Variants in PRSS57 observed in about 807,000 individuals in gnomAD.
PRSS57 encodes serine protease 57, also known as neutrophil serine protease 4.
In PRSS57, 19 loss-of-function variants were observed where a neutral mutation model predicts 20.6. The ratio of observed to expected loss-of-function variants is 0.92; its 90% CI spans 0.64 to 1.35. PRSS57 has a LOEUF of 1.35. PRSS57 is among the 40% of genes most tolerant of loss of function. PRSS57 has a pLI of 0.00. For missense variants in PRSS57, 440 were observed against 403.7 expected (o/e 1.09, Z -0.77); for synonymous variants, 203 against 176.6 (o/e 1.15, Z -1.19).
At chr19:691,002 C>A in intron 3 of PRSS57, 1 of 395,474 alleles carries the variant, frequency 2.5e-6, no homozygotes, top group East Asian at 6.2e-5. Flanking sequence ...GCACTGCCAC[C>A]CTGGGCCACT....
chr19:691,793 C>T (rs536616462), intron 3 of PRSS57, 65 bp downstream of exon 3: 64 of 1,284,980 alleles, frequency 5.0e-5, no homozygotes, highest in Admixed American at 2.6e-4. Flanking sequence ...CCCTCCAGCC[C>T]GAGCGACAGA....
At chr19:690,684 C>T (rs34606938) in intron 3 of PRSS57, 26,395 of 295,514 alleles carry the variant, frequency 0.089, 1,543 homozygotes, top group South Asian at 0.12. Flanking sequence ...AGGTTCGAGG[C>T]GTCTGTTCCC....
chr19:687,329 G>T, intron 3 of PRSS57, 141 bp from the exon 4 acceptor site: 1 of 994,380 alleles, frequency 1.0e-6, no homozygotes, highest in Non-Finnish European at 1.4e-6. Flanking sequence ...AGGAGGCCCC[G>T]TTCCTTCTGC....
At chr19:692,635 T>A (rs536322337) in intron 2 of PRSS57, among the ~76,000 whole-genome samples, 49 of 151,864 alleles carry the variant, frequency 3.2e-4, no homozygotes, top group African/African-American at 1.2e-3. Flanking sequence ...CAGGCTGGTC[T>A]CGAACTCCTG....
intron 2 of PRSS57, 87 bp from the exon 3 acceptor site, chr19:692,089 G>T: frequency 8.2e-7 from 1 of 1,219,310 alleles, no homozygotes; most frequent in Non-Finnish European, 1.0e-6. Context: ...GGAGGCCCAG[G>T]CCGGGCACGG....
chr19:685,833 G>A lies in PRSS57; in HGVS notation c.732C>T (p.Pro244=), dbSNP rs56125026. The part of the protein sequence containing the change: ...SGLWCGDPKT[P]DVYTQVSAFV... The stretch of plus-strand genomic sequence containing the variant: ...AGGCGGACACCTGCGTGTACACGTC[G>A]GGGGTCTTGGGGTCGCCGCACCAGA... Residue 244 remains proline, a synonymous_variant, in exon 5 of 5, where the codon CCC becomes CCT. Transcript: ENST00000329267. 5 of 1,562,770 alleles carry A rather than the reference G, an allele frequency of 3.2e-6. No individual in the cohort carries two copies. Among genetic ancestry groups the A allele is most frequent in the Admixed American group, 3.8e-5 (2 of 52,768 alleles).
chr19:692,116 T>A (rs2031666416), intron 2 of PRSS57, 114 bp from the exon 3 acceptor site: 1 of 1,099,944 alleles, frequency 9.1e-7, no homozygotes, highest in East Asian at 3.4e-5. Context: ...ACGCCTGTAA[T>A]CCCAGCACTT....
chr19:690,937 A>C, intron 3 of PRSS57: 1 of 474,858 alleles, frequency 2.1e-6, no homozygotes, highest in Non-Finnish European at 4.0e-6. Flanking sequence ...GCCTGTGCTC[A>C]AGAAGCTGCT....
intron 3 of PRSS57, chr19:690,505 G>T: frequency 4.4e-6 from 1 of 227,854 alleles, no homozygotes. Flanking sequence ...TCACCAAGCT[G>T]GGCCGCCTGG....
intron 3 of PRSS57, chr19:690,594 T>A (rs1417628438): frequency 1.2e-5 from 3 of 254,042 alleles, no homozygotes; most frequent in Non-Finnish European, 2.4e-5. Context: ...ATCATTGACC[T>A]TTTCCTGAGG....
At chr19:686,546 G>T (rs371486129) in intron 4 of PRSS57, among the ~76,000 whole-genome samples, 2 of 152,090 alleles carry the variant, frequency 1.3e-5, no homozygotes, top group African/African-American at 4.8e-5. Flanking sequence ...CTAAGTGTGT[G>T]TCCTGAACCA....
chr19:691,035 CCTCT>C, intron 3 of PRSS57: 1 of 359,450 alleles, frequency 2.8e-6, no homozygotes, highest in Non-Finnish European at 5.3e-6. Context: ...CCTCTGATAT[CCTCT>C]CTAAGACCTA....
In PRSS57 at chr19:685,817, C is replaced by T; in HGVS notation, c.748G>A (p.Val250Met). The part of the protein sequence containing the change: ...DPKTPDVYTQ[V>M]SAFVAWIWDV... Reference sequence around the variant, plus strand: ...CAGATCCAGGCCACAAAGGCGGACACCTGCGTGTACACGTCGGGGGTCTTG... The same window carrying T: ...CAGATCCAGGCCACAAAGGCGGACATCTGCGTGTACACGTCGGGGGTCTTG... The change falls in exon 5 of 5, where the codon GTG becomes ATG. Residue 250 changes from valine to methionine, a missense_variant. Transcript: ENST00000329267. The T allele has an allele frequency of 2.6e-6, 4 of 1,566,400 alleles. No individual in the cohort carries two copies. The highest frequency in any genetic ancestry group is 3.5e-6 in the Non-Finnish European group (4 of 1,155,314).
In PRSS57 at chr19:685,864, G is replaced by T; in HGVS notation, c.701C>A (p.Ser234Ter). The change falls in exon 5 of 5, where the codon TCG becomes TAG. Residue 234 changes from serine (S) to a stop codon, truncating the protein, a stop_gained. Transcript: ENST00000329267. LOFTEE classifies it low-confidence loss of function (END_TRUNC). ...CTTGGGGTCGCCGCACCAGAGGCCC[G>T]AGAAGGAAACGAGGCCGTGAGCCCG... ...RNRAHGLVSF[S>*]GLWCGDPKTP... 1 of 1,557,926 alleles carries T rather than the reference G, an allele frequency of 6.4e-7. No individual in the cohort carries two copies.
rs1171032187 is a variant in PRSS57, at chr19:693,229, C to CTTTTTTTTTTTTTTTTTTTTT, written c.234-1228_234-1227insAAAAAAAAAAAAAAAAAAAAA. On this transcript the variant is annotated intron_variant, in intron 2 of 4. Transcript: ENST00000329267. ...TACAGGCGTGAGCCACCGCACCCGG[C>CTTTTTTTTTTTTTTTTTTTTT]CTTTTTTTTTTTTTTTTTTTTGAGA... 5.5e-5 allele frequency among the ~76,000 whole-genome samples: 6 copies of CTTTTTTTTTTTTTTTTTTTTT among 109,128 alleles called. 3 individuals carry two copies. Among genetic ancestry groups the CTTTTTTTTTTTTTTTTTTTTT allele is most frequent in the African/African-American group, 7.1e-5 (2 of 28,294 alleles). 71.6% of individuals were successfully genotyped at this position (109,128 alleles called of 152,430 possible). A position where few individuals can be genotyped will look rare whatever the true frequency, so the allele number is the denominator to read the frequency against.
intron 4 of PRSS57, among the ~76,000 whole-genome samples, chr19:686,445 A>G (rs923845764): frequency 2.3e-4 from 35 of 152,022 alleles, no homozygotes; most frequent in African/African-American, 7.7e-4. Flanking sequence ...ACAGATGGAG[A>G]AAAAGAGGCC....
At position 685,832 on chromosome 19, in the gene PRSS57, C is replaced by T. The variant is rs199855649; in HGVS notation, c.733G>A (p.Asp245Asn). Reference protein sequence around the residue: ...GLWCGDPKTPDVYTQVSAFVA... With the variant: ...GLWCGDPKTPNVYTQVSAFVA... ...AAGGCGGACACCTGCGTGTACACGT[C>T]GGGGGTCTTGGGGTCGCCGCACCAG... Residue 245 changes from aspartate (D) to asparagine (N), a missense_variant, in exon 5 of 5, where the codon GAC becomes AAC. Coordinates refer to ENST00000329267, the MANE Select transcript of PRSS57 (RefSeq NM_001308209.2). 2.6e-4 allele frequency: 400 copies of T among 1,563,806 alleles called. No individual in the cohort carries two copies. Among genetic ancestry groups the T allele is most frequent in the Non-Finnish European group, 3.2e-4 (367 of 1,154,308 alleles).
At chr19:690,204 G>C (rs1215437743) in intron 3 of PRSS57, 1 of 99,210 alleles carries the variant, frequency 1.0e-5, no homozygotes, top group Admixed American at 1.0e-4. Context: ...CCAGCTACTC[G>C]GGGGGCTGAG....
chr19:685,743 G>A lies in PRSS57; in HGVS notation c.822C>T (p.Thr274=), dbSNP rs748790336. The change falls in exon 5 of 5, where the codon ACC becomes ACT. Residue 274 remains threonine (T), a synonymous_variant. Transcript: ENST00000329267. The part of the protein sequence containing the change: ...SSPQPGPLPG[T]TRPPGEAA ...AGGCGGCTTCTCCTGGGGGCCTGGT[G>A]GTCCCAGGCAGGGGGCCGGGCTGGG... The A allele has an allele frequency of 3.9e-6, 6 of 1,555,152 alleles. No homozygotes were observed. The highest frequency in any genetic ancestry group is 3.6e-4 in the Middle Eastern group (2 of 5,500).
Sources: gnomAD v4.1 joint callset for allele counts (sites outside exome capture counted in the v4.1 genomes callset) on GRCh38, gnomAD v4.1.1 for gene constraint, MANE v1.5 for transcripts, NCBI Gene and HGNC (gene_info 2026-07-23, HGNC 2026-07-21) for gene names.